The following SUN2 variants were observed in gnomAD, a reference collection of about 807,000 sequenced individuals.
SUN2 encodes the protein Sad1 and UNC84 domain containing 2.
In SUN2, 60 loss-of-function variants were observed where a neutral mutation model predicts 100.0. The ratio of observed to expected loss-of-function variants is 0.60; its 90% CI spans 0.49 to 0.74. The LOEUF (loss-of-function observed/expected upper bound fraction) is 0.74, where lower values mean the gene tolerates loss of function less well. SUN2 is among the 30% of genes least tolerant of loss of function. SUN2 has a pLI of 0.00. For synonymous variants in SUN2, 367 were observed against 403.3 expected, an observed-to-expected ratio of 0.91 and a Z score of 1.08; for missense variants, 834 against 954.6, an observed-to-expected ratio of 0.87 and a Z score of 1.66.
intron 7 of SUN2, among the ~76,000 whole-genome samples, chr22:38,747,241 A>G (rs1229484163): frequency 6.6e-6 from 1 of 151,696 alleles, no homozygotes; most frequent in Non-Finnish European, 1.5e-5. Context: ...CTGAGGCAGG[A>G]GAATCGCTTG....
Position 38,755,155 on chromosome 22 carries a change from TG to T in SUN2, c.-38+607del. ...TCCATCTTCAGACTTAAACCAGATC[TG>T]GGGCATCTTCCTCGTGACATTTCCA... is the stretch of plus-strand genomic sequence containing the variant. On this transcript the variant is annotated intron_variant, in intron 1 of 17. Coordinates refer to ENST00000689035, the MANE Select transcript of SUN2 (RefSeq NM_015374.3). The surrounding 1 kb of genome is among the most constrained non-coding windows in gnomAD (Gnocchi z 5.7). 9.4e-7 allele frequency: 1 copy of T among 1,064,334 alleles called. No homozygotes were observed. Among genetic ancestry groups the T allele is most frequent in the Non-Finnish European group, 1.2e-6 (1 of 828,022 alleles). The allele number at this position is 1,064,334 out of a possible 1,614,324, so 65.9% of individuals were successfully genotyped here.
Position 38,738,719 on chromosome 22 carries a change from C to T in SUN2, c.1815G>A (p.Gln605=). 1 of 1,613,640 alleles carries T rather than the reference C, an allele frequency of 6.2e-7. No individual in the cohort carries two copies. The highest frequency in any genetic ancestry group is 8.5e-7 in the Non-Finnish European group (1 of 1,179,980). ...DVHPGNCWAF[Q]GPQGFAVVRL... is the part of the protein sequence containing the mutation. ...GGACCACGGCGAAGCCTTGTGGCCC[C>T]TGGAAGGCCCAGCAGTTGCCTGGGT... Residue 605 remains glutamine, a synonymous_variant, in exon 16 of 18, where the codon CAG becomes CAA. Coordinates refer to ENST00000689035, the MANE Select transcript of SUN2 (RefSeq NM_015374.3). The surrounding 1 kb of genome is among the most constrained non-coding windows in gnomAD (Gnocchi z 6.6).
chr22:38,741,680 A>G, intron 9 of SUN2, 109 bp from the exon 10 acceptor site: 1 of 1,027,252 alleles, frequency 9.7e-7, no homozygotes. Context: ...TTGCTTCCAG[A>G]GCCCTGGCTC....
chr22:38,751,518 G>C, intron 2 of SUN2, 145 bp from the exon 3 acceptor site: 1 of 776,034 alleles, frequency 1.3e-6, no homozygotes, highest in Admixed American at 2.8e-5. Flanking sequence ...CCATTCCCCT[G>C]ACTCTCCCAA....
At position 38,740,513 on chromosome 22, in the gene SUN2, T is replaced by G. The variant is rs1210292001; in HGVS notation, c.1191-81A>C. 33 of 1,374,080 alleles carry G rather than the reference T, an allele frequency of 2.4e-5. No homozygotes were observed. The highest frequency in any genetic ancestry group is 2.8e-5 in the Non-Finnish European group (29 of 1,048,036). 85.1% of individuals were successfully genotyped at this position (1,374,080 alleles called of 1,614,324 possible). Reference sequence around the variant, plus strand: ...ACACCAAAGATGAAAGAGGACCCCCTAGTGGGCTCCCGTCAGGAGAGCGGG... The same window carrying G: ...ACACCAAAGATGAAAGAGGACCCCCGAGTGGGCTCCCGTCAGGAGAGCGGG... On this transcript the variant is annotated intron_variant, in intron 11 of 17. Coordinates refer to ENST00000689035, the MANE Select transcript of SUN2 (RefSeq NM_015374.3). The surrounding 1 kb of genome is among the most constrained non-coding windows in gnomAD (Gnocchi z 4.8).
chr22:38,738,322 C>T lies in SUN2; in HGVS notation c.1948-57G>A. ...GCTGGAGCAGGGAGAACACCCCTCCCCACTCCAATCCCTGCTCCTCCCACC... is the reference window on the plus strand; with the variant it reads ...GCTGGAGCAGGGAGAACACCCCTCCTCACTCCAATCCCTGCTCCTCCCACC... On this transcript the variant is annotated intron_variant, in intron 16 of 17. Coordinates refer to ENST00000689035, the MANE Select transcript of SUN2 (RefSeq NM_015374.3). This position sits in a 1 kb window ranked among gnomAD's most constrained non-coding sequence, Gnocchi z 6.6. The T allele has an allele frequency of 6.9e-7, 1 of 1,441,190 alleles. No individual in the cohort carries two copies. The allele number at this position is 1,441,190 out of a possible 1,614,324, so 89.3% of individuals were successfully genotyped here.
rs1240389422 is a variant in SUN2, at chr22:38,738,831, G to A, written c.1779+42C>T. ...TGACCCCAGATGGGACCAGCCCTCAGTGTGCTCAGAGCCCCCGCTGCTGTG... is the reference window on the plus strand; with the variant it reads ...TGACCCCAGATGGGACCAGCCCTCAATGTGCTCAGAGCCCCCGCTGCTGTG... On this transcript the variant is annotated intron_variant, in intron 15 of 17. Transcript: ENST00000689035. This position sits in a 1 kb window ranked among gnomAD's most constrained non-coding sequence, Gnocchi z 6.6. The A allele has an allele frequency of 2.5e-6, 4 of 1,595,946 alleles. No homozygotes were observed. The highest frequency in any genetic ancestry group is 3.4e-6 in the Non-Finnish European group (4 of 1,168,380).
rs374641063 is a variant in SUN2, at chr22:38,738,292, G to C, written c.1948-27C>G. On this transcript the variant is annotated intron_variant, in intron 16 of 17. Transcript: ENST00000689035. The surrounding 1 kb of genome is among the most constrained non-coding windows in gnomAD (Gnocchi z 6.6). ...TGCAAAGAGAGCGGAGGGAAGTGGG[G>C]AGGGGCTGGAGCAGGGAGAACACCC... 9.1e-5 allele frequency: 145 copies of C among 1,595,860 alleles called. 1 individual carries two copies. Among genetic ancestry groups the C allele is most frequent in the South Asian group, 6.8e-4 (61 of 90,332 alleles).
At chr22:38,741,086 C>T in intron 10 of SUN2, 36 bp from the exon 11 acceptor site, 2 of 1,575,792 alleles carry the variant, frequency 1.3e-6, no homozygotes, top group Non-Finnish European at 1.7e-6. Context: ...AAGAAATACT[C>T]ATCTCAGAAA....
chr22:38,740,236 G>T lies in SUN2; in HGVS notation c.1356+31C>A. 6.6e-7 allele frequency: 1 copy of T among 1,517,674 alleles called. No individual in the cohort carries two copies. Among genetic ancestry groups the T allele is most frequent in the South Asian group, 1.3e-5 (1 of 77,726 alleles). The allele number at this position is 1,517,674 out of a possible 1,614,324, so 94.0% of individuals were successfully genotyped here. ...CGTCGTCTCAAAGGAGGAGGAGAGG[G>T]ACCAGCAGGGCCCTGGTGGTTCCCA... On this transcript the variant is annotated intron_variant, in intron 12 of 17. Transcript: ENST00000689035. The surrounding 1 kb of genome is among the most constrained non-coding windows in gnomAD (Gnocchi z 4.8).
At position 38,740,565 on chromosome 22, in the gene SUN2, A is replaced by G. The variant is rs1388452231; in HGVS notation, c.1191-133T>C. On this transcript the variant is annotated intron_variant, in intron 11 of 17. Coordinates refer to ENST00000689035, the MANE Select transcript of SUN2 (RefSeq NM_015374.3). The surrounding 1 kb of genome is among the most constrained non-coding windows in gnomAD (Gnocchi z 4.8). ...GCCCAGCACTCATTGTGAACCTGAG[A>G]AGGGGCAAGGCCTCTCCTGGGGGTT... 2 of 978,270 alleles carry G rather than the reference A, an allele frequency of 2.0e-6. No homozygotes were observed. Among genetic ancestry groups the G allele is most frequent in the East Asian group, 5.8e-5 (2 of 34,694 alleles). The allele number at this position is 978,270 out of a possible 1,614,324, so 60.6% of individuals were successfully genotyped here.
At chr22:38,745,269 GA>G (rs1257298880) in intron 8 of SUN2, 3 of 458,600 alleles carry the variant, frequency 6.5e-6, no homozygotes, top group African/African-American at 6.1e-5. Context: ...GCCAACTGCA[GA>G]CAGACAGATC....
At chr22:38,750,773 C>A in intron 4 of SUN2, 125 bp downstream of exon 4, 1 of 1,449,654 alleles carries the variant, frequency 6.9e-7, no homozygotes, top group Non-Finnish European at 9.3e-7. Flanking sequence ...CAGGGCCGGG[C>A]ATGGGAGGGG....
At chr22:38,746,053 G>T (rs2092901366) in intron 7 of SUN2, among the ~76,000 whole-genome samples, 1 of 152,214 alleles carries the variant, frequency 6.6e-6, no homozygotes, top group Non-Finnish European at 1.5e-5. Flanking sequence ...TTCTGTAAGT[G>T]GCAAAACTTG....
In SUN2 at chr22:38,742,468, CCTT is replaced by C. The variant is rs1429605714; in HGVS notation, c.898_900del (p.Lys300del). On this transcript the variant is annotated inframe_deletion, in exon 9 of 18. Coordinates refer to ENST00000689035, the MANE Select transcript of SUN2 (RefSeq NM_015374.3). ...TCCAGACGTTCCAGCCGCATGGCCTCCTTCTGCCAGTTGGAGGAAAATTCAGCA... is the reference window on the plus strand; with the variant it reads ...TCCAGACGTTCCAGCCGCATGGCCTCCTGCCAGTTGGAGGAAAATTCAGCA... The C allele has an allele frequency of 1.2e-6, 2 of 1,613,706 alleles. No homozygotes were observed. Among genetic ancestry groups the C allele is most frequent in the Admixed American group, 3.3e-5 (2 of 60,022 alleles).
intron 8 of SUN2, 160 bp from the exon 9 acceptor site, chr22:38,742,715 C>T (rs1225946635): frequency 2.3e-6 from 2 of 878,660 alleles, no homozygotes; most frequent in Non-Finnish European, 3.3e-6. Flanking sequence ...TGGGCAGGGG[C>T]TGCCGACCTC....
chr22:38,751,919 G>A (rs907796972), intron 2 of SUN2, among the ~76,000 whole-genome samples: 8 of 152,178 alleles, frequency 5.3e-5, no homozygotes, highest in Non-Finnish European at 1.0e-4. Flanking sequence ...TGGGGTTTCC[G>A]GCCTGGCTTA....
chr22:38,739,602 GCCT>G lies in SUN2; in HGVS notation c.1578+117_1578+119del. ...CCATGCCAGCCCCACAGCATGCAAA[GCCT>G]CCTGCTTGGCACTTCCATCCTGGAA... On this transcript the variant is annotated intron_variant, in intron 13 of 17. Coordinates refer to ENST00000689035, the MANE Select transcript of SUN2 (RefSeq NM_015374.3). This position sits in a 1 kb window ranked among gnomAD's most constrained non-coding sequence, Gnocchi z 6.7. 3 of 1,350,672 alleles carry G rather than the reference GCCT, an allele frequency of 2.2e-6. No homozygotes were observed. The South Asian group carries it at 3.9e-5, about 18-fold the overall frequency. 83.7% of individuals were successfully genotyped at this position (1,350,672 alleles called of 1,614,324 possible).
Position 38,744,585 on chromosome 22 carries a change from A to C in SUN2, c.813+1099T>G, listed in dbSNP as rs149146092. The stretch of plus-strand genomic sequence containing the variant: ...AACAGAATGAGACCCTGTCTCAAAA[A>C]ATTTTTAAATGAATAATAAAAATGT... On this transcript the variant is annotated intron_variant, in intron 8 of 17. Coordinates refer to ENST00000689035, the MANE Select transcript of SUN2 (RefSeq NM_015374.3). Among the ~76,000 whole-genome samples the C allele has an allele frequency of 2.7e-3, 408 of 152,352 alleles. 4 individuals carry two copies. Among genetic ancestry groups the C allele is most frequent in the African/African-American group, 9.5e-3 (397 of 41,580 alleles).
Sources: gnomAD v4.1 joint callset for allele counts (sites outside exome capture counted in the v4.1 genomes callset) on GRCh38, gnomAD v4.1.1 for gene constraint, Gnocchi (gnomAD v3.1) non-coding constraint, MANE v1.5 for transcripts, NCBI Gene and HGNC (gene_info 2026-07-23, HGNC 2026-07-21) for gene names.